MMP16: variants seen among roughly 807,000 people sequenced by gnomAD.
The protein encoded by MMP16 is matrix metallopeptidase 16.
MMP16 carries 12 observed loss-of-function variants against 67.8 expected under a neutral mutation model. That is an observed-to-expected ratio of 0.18 (90% CI 0.11 to 0.29). The LOEUF is 0.29. Ranked by LOEUF, MMP16 falls within the 10% of genes least tolerant of loss-of-function variation. MMP16 has a pLI of 1.00. For missense variants in MMP16, 475 were observed against 765.7 expected (o/e 0.62, Z 4.48); for synonymous variants, 249 against 255.9 (o/e 0.97, Z 0.26).
intron 4 of MMP16, among the ~76,000 whole-genome samples, chr8:88,153,322 A>T (rs1048308866): frequency 6.6e-6 from 1 of 152,204 alleles, no homozygotes; most frequent in Non-Finnish European, 1.5e-5. Context: ...TGCCGTCCCC[A>T]TCAAGCTACC....
intron 1 of MMP16, among the ~76,000 whole-genome samples, chr8:88,308,146 A>G (rs1375787384): frequency 1.3e-5 from 2 of 152,114 alleles, no homozygotes; most frequent in African/African-American, 2.4e-5. Flanking sequence ...TAAATGCATT[A>G]CTGGCCACAA....
chr8:88,138,584 C>T (rs1401482347), intron 4 of MMP16, among the ~76,000 whole-genome samples: 1 of 151,962 alleles, frequency 6.6e-6, no homozygotes, highest in Non-Finnish European at 1.5e-5. Flanking sequence ...CCTTCATGGC[C>T]TCACACTCCA....
chr8:88,237,375 C>T (rs1225667239), intron 1 of MMP16, among the ~76,000 whole-genome samples: 2 of 152,116 alleles, frequency 1.3e-5, no homozygotes, highest in East Asian at 1.9e-4. Flanking sequence ...CTTGGCCGGG[C>T]GCGGTGGCTC....
intron 1 of MMP16, among the ~76,000 whole-genome samples, chr8:88,256,557 C>CT (rs1810303771): frequency 6.6e-6 from 1 of 152,108 alleles, no homozygotes; most frequent in African/African-American, 2.4e-5. Context: ...ATCAAACCGA[C>CT]TTTTTCTGAG....
chr8:88,278,507 T>G (rs2129988323), intron 1 of MMP16, among the ~76,000 whole-genome samples: 1 of 152,266 alleles, frequency 6.6e-6, no homozygotes, highest in South Asian at 2.1e-4. Context: ...GAAGCTACAT[T>G]AATTACCATG....
At chr8:88,318,735 A>G (rs1482691515) in intron 1 of MMP16, among the ~76,000 whole-genome samples, 3 of 152,218 alleles carry the variant, frequency 2.0e-5, no homozygotes, top group Non-Finnish European at 4.4e-5. Context: ...AGATTATGAT[A>G]AGAATTAAAT....
intron 6 of MMP16, among the ~76,000 whole-genome samples, chr8:88,094,704 G>C (rs1808996804): frequency 6.6e-6 from 1 of 151,752 alleles, no homozygotes; most frequent in Non-Finnish European, 1.5e-5. Context: ...AGTTATGTCT[G>C]TTTTCTCCAG....
chr8:88,295,828 C>A (rs1321495128), intron 1 of MMP16, among the ~76,000 whole-genome samples: 1 of 152,004 alleles, frequency 6.6e-6, no homozygotes, highest in Non-Finnish European at 1.5e-5. Flanking sequence ...GTAGGTAATA[C>A]GTTGCTTTAC....
At position 88,040,459 on chromosome 8, in the gene MMP16, G is replaced by T. The variant is rs1233040097; in HGVS notation, c.*1002C>A. ...CTGATAGTTCTCAAAGGGTTACACG[G>T]GTATGTTACTAGTGTCACAAATCCT... On this transcript the variant is annotated 3_prime_UTR_variant, in exon 10 of 10. Coordinates refer to ENST00000286614, the MANE Select transcript of MMP16 (RefSeq NM_005941.5). The T allele has an allele frequency of 6.6e-6, 1 of 152,202 alleles. No individual in the cohort carries two copies. Among genetic ancestry groups the T allele is most frequent in the Non-Finnish European group, 1.5e-5 (1 of 68,016 alleles). 9.4% of individuals were successfully genotyped at this position (152,202 alleles called of 1,614,324 possible).
At chr8:88,310,547 G>A (rs1167806900) in intron 1 of MMP16, among the ~76,000 whole-genome samples, 1 of 152,112 alleles carries the variant, frequency 6.6e-6, no homozygotes, top group Non-Finnish European at 1.5e-5. Flanking sequence ...TAGGGATGAT[G>A]TAATCCACTC....
chr8:88,127,890 T>G (rs1807961051), intron 4 of MMP16, among the ~76,000 whole-genome samples: 2 of 151,878 alleles, frequency 1.3e-5, no homozygotes, highest in South Asian at 4.1e-4. Flanking sequence ...TTTGCTGATG[T>G]GAGCTTACCC....
In MMP16 at chr8:88,266,471, T is replaced by C. The variant is rs1051040237; in HGVS notation, c.132+60604A>G. Reference sequence around the variant, plus strand: ...TTCATCTGGAGTATAAATTTATCATTTTATAGATCAGATAACTTAGTGAAA... The same window carrying C: ...TTCATCTGGAGTATAAATTTATCATCTTATAGATCAGATAACTTAGTGAAA... On this transcript the variant is annotated intron_variant, in intron 1 of 9. Transcript: ENST00000286614. 1.4e-3 allele frequency among the ~76,000 whole-genome samples: 209 copies of C among 152,298 alleles called. 2 individuals carry two copies. The highest frequency in any genetic ancestry group is 4.2e-3 in the African/African-American group (176 of 41,568).
chr8:88,300,716 T>G (rs1811084414), intron 1 of MMP16, among the ~76,000 whole-genome samples: 1 of 152,172 alleles, frequency 6.6e-6, no homozygotes, highest in African/African-American at 2.4e-5. Context: ...ACTAGGGAAC[T>G]TATCCCATGA....
At chr8:88,246,805 T>C (rs1313590344) in intron 1 of MMP16, among the ~76,000 whole-genome samples, 1 of 152,154 alleles carries the variant, frequency 6.6e-6, no homozygotes, top group East Asian at 1.9e-4. Flanking sequence ...CCAGTGGTGA[T>C]TAAAATCAAG....
At chr8:88,290,378 C>T (rs1168033843) in intron 1 of MMP16, among the ~76,000 whole-genome samples, 1 of 152,020 alleles carries the variant, frequency 6.6e-6, no homozygotes, top group African/African-American at 2.4e-5. Context: ...AGGTGAAACC[C>T]CGTCTCTACT....
chr8:88,325,077 G>T (rs1350983894), intron 1 of MMP16, among the ~76,000 whole-genome samples: 2 of 152,094 alleles, frequency 1.3e-5, no homozygotes, highest in East Asian at 3.9e-4. Context: ...TAATAAATAT[G>T]ACTAGAATAA....
chr8:88,228,386 T>C (rs1391199230), intron 1 of MMP16, among the ~76,000 whole-genome samples: 1 of 152,132 alleles, frequency 6.6e-6, no homozygotes, highest in Admixed American at 6.6e-5. Context: ...CTGATACTTT[T>C]TGAATAGAAT....
At chr8:88,219,118 A>G (rs1326227672) in intron 1 of MMP16, among the ~76,000 whole-genome samples, 1 of 152,010 alleles carries the variant, frequency 6.6e-6, no homozygotes, top group Non-Finnish European at 1.5e-5. Context: ...ATAGACTATG[A>G]TAGAAGATAA....
At chr8:88,141,020 G>C (rs1367562526) in intron 4 of MMP16, among the ~76,000 whole-genome samples, 1 of 152,084 alleles carries the variant, frequency 6.6e-6, no homozygotes, top group East Asian at 1.9e-4. Context: ...CAGAATAAAT[G>C]TAATGCAACA....
Sources: gnomAD v4.1 joint callset for allele counts (sites outside exome capture counted in the v4.1 genomes callset) on GRCh38, gnomAD v4.1.1 for gene constraint, MANE v1.5 for transcripts, NCBI Gene and HGNC (gene_info 2026-07-23, HGNC 2026-07-21) for gene names.